Variants in APOB observed in about 807,000 individuals in gnomAD.
The protein encoded by APOB is apolipoprotein B-100.
APOB carries 153 observed loss-of-function variants against 314.1 expected under a neutral mutation model. The observed-to-expected ratio is 0.49, with a 90% CI of 0.43 to 0.56. APOB has a LOEUF of 0.56. APOB is among the 20% of genes least tolerant of loss of function. APOB has a pLI of 0.00. For missense variants in APOB, 5,430 were observed against 5,350.7 expected (o/e 1.01, Z -0.46); for synonymous variants, 2,087 against 2,036.4 (o/e 1.02, Z -0.67).
rs1439059552 is a variant in APOB at position 21,016,513 on chromosome 2, G to A, written c.3258C>T (p.Gly1086=). Residue 1086 remains glycine (G), a synonymous_variant, in exon 21 of 29, where the codon GGC becomes GGT. Transcript: ENST00000233242. The part of the protein sequence containing the change: ...ILRVNDESTE[G]KTSYRLTLDI... ...CCAGGGTGAGTCTGTAAGACGTTTT[G>A]CCCTCAGTAGATTCATCATTAACTC... 10 of 1,609,006 alleles carry A rather than the reference G, an allele frequency of 6.2e-6. No individual in the cohort carries two copies. The highest frequency in any genetic ancestry group is 2.7e-5 in the African/African-American group (2 of 74,834).
rs1444176696 is a variant in APOB, at chr2:21,002,566, C to T, written c.12856G>A (p.Ala4286Thr). ...LSKEAQEVFKAIQSLKTTEVL... is the reference protein window; with the variant it reads ...LSKEAQEVFKTIQSLKTTEVL... Reference sequence around the variant, plus strand: ...TCTGTGGTCTTGAGAGACTGAATGGCTTTAAATACCTCTTGGGCTTCTTTT... The same window carrying T: ...TCTGTGGTCTTGAGAGACTGAATGGTTTTAAATACCTCTTGGGCTTCTTTT... The change falls in exon 29 of 29, where the codon GCC becomes ACC. Residue 4286 changes from alanine to threonine, a missense_variant. Transcript: ENST00000233242. 1.2e-6 allele frequency: 2 copies of T among 1,614,036 alleles called. No homozygotes were observed. The highest frequency in any genetic ancestry group is 8.5e-7 in the Non-Finnish European group (1 of 1,179,952).
chr2:21,028,612 T>A (rs1048155874), intron 12 of APOB, 74 bp from the exon 13 acceptor site: 1 of 1,006,368 alleles, frequency 9.9e-7, no homozygotes, highest in African/African-American at 1.6e-5. Context: ...AACACTGGCA[T>A]TGTCTGCTAG....
chr2:21,026,153 A>G (rs1217969322), intron 15 of APOB, among the ~76,000 whole-genome samples: 1 of 152,210 alleles, frequency 6.6e-6, no homozygotes, highest in Non-Finnish European at 1.5e-5. Context: ...AGTCTGGGAT[A>G]CAGACAGAAA....
chr2:21,040,663 T>C (rs1181405108), intron 4 of APOB, among the ~76,000 whole-genome samples: 1 of 152,222 alleles, frequency 6.6e-6, no homozygotes, highest in East Asian at 1.9e-4. Context: ...AAGAATTCAC[T>C]TGTTTAAACA....
At chr2:21,014,339 T>A (rs1663411252) in intron 24 of APOB, 109 bp downstream of exon 24, 4 of 1,353,178 alleles carry the variant, frequency 3.0e-6, no homozygotes, top group Non-Finnish European at 4.1e-6. Flanking sequence ...CTCCTTAAAA[T>A]GCTTAAATTA....
At position 21,009,870 on chromosome 2, in the gene APOB, T is replaced by C; in HGVS notation, c.6998A>G (p.Lys2333Arg). 6.2e-7 allele frequency: 1 copy of C among 1,614,056 alleles called. No homozygotes were observed. The highest frequency in any genetic ancestry group is 1.7e-5 in the Admixed American group (1 of 60,022). Residue 2333 changes from lysine to arginine, a missense_variant, in exon 26 of 29, where the codon AAA (lysine) becomes AGA (arginine). Lys to Arg is a conservative substitution (Grantham distance 26). This residue lies in a region of APOB where 3,281 missense variants were observed against 3,171.0 expected (regional missense o/e 1.03). Transcript: ENST00000233242. Reference sequence around the variant, plus strand: ...GACTTTGGCTCTGAAGGCATTGATTTTCTCAGCTACTTCAAAATCCCCAAT... The same window carrying C: ...GACTTTGGCTCTGAAGGCATTGATTCTCTCAGCTACTTCAAAATCCCCAAT... ...NLIGDFEVAE[K>R]INAFRAKVHE...
At chr2:21,027,805 A>C (rs927758306) in intron 14 of APOB, 23 bp downstream of exon 14, 3 of 1,569,398 alleles carry the variant, frequency 1.9e-6, no homozygotes, top group Non-Finnish European at 2.6e-6. Flanking sequence ...TGGGCTAGAG[A>C]ACCTCAAACT....
At position 21,035,586 on chromosome 2, in the gene APOB, G is replaced by A. The variant is rs779516045; in HGVS notation, c.816C>T (p.Tyr272=). The change falls in exon 7 of 29, where the codon TAC becomes TAT. Residue 272 remains tyrosine (Y), a splice_region_variant and synonymous_variant. Coordinates refer to ENST00000233242, the MANE Select transcript of APOB (RefSeq NM_000384.3). ...CAGGGGTGCATCACATGACCTACTT[G>A]TAGGAGAAAGGCAGGAAGAGGTGTT... The part of the protein sequence containing the change: ...KEQHLFLPFS[Y]KNKYGMVAQV... The A allele has an allele frequency of 6.2e-7, 1 of 1,613,956 alleles. No homozygotes were observed. The highest frequency in any genetic ancestry group is 1.3e-5 in the African/African-American group (1 of 74,918).
At position 21,015,388 on chromosome 2, in the gene APOB, T is replaced by G. The variant is rs149660265; in HGVS notation, c.3490A>C (p.Arg1164=). Residue 1164 remains arginine, a synonymous_variant, in exon 22 of 29, where the codon AGG becomes CGG. Coordinates refer to ENST00000233242, the MANE Select transcript of APOB (RefSeq NM_000384.3). ...ATAYGSTVSK[R]VAWHYDEEKI... is the part of the protein sequence containing the mutation. ...CACATACCATAATGCCATGCCACCCTCTTGGAAACTGTGGAGCCATAAGCT... is the reference window on the plus strand; with the variant it reads ...CACATACCATAATGCCATGCCACCCGCTTGGAAACTGTGGAGCCATAAGCT... 6.2e-7 allele frequency: 1 copy of G among 1,614,194 alleles called. No homozygotes were observed. The highest frequency in any genetic ancestry group is 1.1e-5 in the South Asian group (1 of 91,080).
chr2:21,034,566 T>C (rs1663955207), intron 8 of APOB, among the ~76,000 whole-genome samples: 1 of 152,208 alleles, frequency 6.6e-6, no homozygotes, highest in African/African-American at 2.4e-5. Context: ...ATCAAATATG[T>C]CATGTTAAAC....
chr2:21,006,414 C>A lies in APOB; in HGVS notation c.10454G>T (p.Ser3485Ile). Reference sequence around the variant, plus strand: ...CTCAATGGAAAAGTAAGAGGTGAGGCTTTCCAAGCTAAGCTTGTGGTCAAC... The same window carrying A: ...CTCAATGGAAAAGTAAGAGGTGAGGATTTCCAAGCTAAGCTTGTGGTCAAC... ...GAVDHKLSLE[S>I]LTSYFSIESS... The change falls in exon 26 of 29, where the codon AGC becomes ATC. Residue 3485 changes from serine (S) to isoleucine (I), a missense_variant. Physicochemically the swap from Ser to Ile is moderately radical, Grantham distance 142 (BLOSUM62 -2). Around this residue, in one of 3 missense-constraint regions of APOB, gnomAD observed 3,281 missense variants for 3,171.0 expected, o/e 1.03. Coordinates refer to ENST00000233242, the MANE Select transcript of APOB (RefSeq NM_000384.3). 1 of 1,614,048 alleles carries A rather than the reference C, an allele frequency of 6.2e-7. No homozygotes were observed. Among genetic ancestry groups the A allele is most frequent in the African/African-American group, 1.3e-5 (1 of 75,032 alleles).
At position 21,006,573 on chromosome 2, in the gene APOB, T is replaced by C. The variant is rs759043889; in HGVS notation, c.10295A>G (p.Gln3432Arg). The C allele has an allele frequency of 3.3e-5, 53 of 1,613,996 alleles. No homozygotes were observed. In the Middle Eastern group the frequency reaches 4.9e-4, roughly 15 times the overall value. The change falls in exon 26 of 29, where the codon CAA (glutamine) becomes CGA (arginine). Residue 3432 changes from glutamine to arginine, a missense_variant. Coordinates refer to ENST00000233242, the MANE Select transcript of APOB (RefSeq NM_000384.3). ...GAAATTCATTCTCAAAATTGGAATT[T>C]GGGCTTTTGTGGTTGTTGCCACTGA... ...EVSVATTTKAQIPILRMNFKQ... is the reference protein window; with the variant it reads ...EVSVATTTKARIPILRMNFKQ...
chr2:21,032,210 AC>A, intron 10 of APOB, 143 bp downstream of exon 10: 1 of 707,046 alleles, frequency 1.4e-6, no homozygotes, highest in African/African-American at 1.8e-5. Flanking sequence ...TCAAGTCATT[AC>A]CCCAAAAATG....
At chr2:21,022,748 CT>C in intron 18 of APOB, 82 bp downstream of exon 18, 1 of 1,306,200 alleles carries the variant, frequency 7.7e-7, no homozygotes. Flanking sequence ...TCTCAATCAA[CT>C]GTTTAGCCTG....
Position 21,009,899 on chromosome 2 carries a change from A to G in APOB, c.6969T>C (p.Asn2323=). 6.2e-7 allele frequency: 1 copy of G among 1,614,002 alleles called. No individual in the cohort carries two copies. The highest frequency in any genetic ancestry group is 2.2e-5 in the East Asian group (1 of 44,852). ...ILEHVKHFVI[N]LIGDFEVAEK... ...CAGCTACTTCAAAATCCCCAATAAGATTTATAACAAAGTGTTTGACATGCT... is the reference window on the plus strand; with the variant it reads ...CAGCTACTTCAAAATCCCCAATAAGGTTTATAACAAAGTGTTTGACATGCT... The change falls in exon 26 of 29, where the codon AAT becomes AAC. Residue 2323 remains asparagine, a synonymous_variant. Coordinates refer to ENST00000233242, the MANE Select transcript of APOB (RefSeq NM_000384.3).
intron 5 of APOB, 68 bp from the exon 6 acceptor site, chr2:21,037,323 T>G: frequency 6.9e-7 from 1 of 1,440,204 alleles, no homozygotes; most frequent in Non-Finnish European, 9.7e-7. Context: ...TTGGGAGGGA[T>G]GGGGTGGGGA....
At position 21,013,235 on chromosome 2, in the gene APOB, C is replaced by A. The variant is rs868190727; in HGVS notation, c.4141G>T (p.Asp1381Tyr). The change falls in exon 25 of 29, where the codon GAC becomes TAC. Residue 1381 changes from aspartate (D) to tyrosine (Y), a missense_variant. By Grantham distance (160) the Asp-to-Tyr change is radical. Transcript: ENST00000233242. ...ASYSGGNTSTDHFSLRARYHM... is the reference protein window; with the variant it reads ...ASYSGGNTSTYHFSLRARYHM... The stretch of plus-strand genomic sequence containing the variant: ...TAACGAGCCCGAAGGCTGAAATGGT[C>A]TGTGCTGGTGTTGCCACCACTGTAG... The A allele has an allele frequency of 6.2e-6, 10 of 1,614,200 alleles. No individual in the cohort carries two copies. The South Asian group carries it at 9.9e-5, about 16-fold the overall frequency.
chr2:21,005,300 G>A lies in APOB; in HGVS notation c.11568C>T (p.Ile3856=), dbSNP rs542175556. The A allele has an allele frequency of 2.1e-4, 341 of 1,614,042 alleles. 3 individuals carry two copies. The South Asian group carries it at 3.5e-3, about 17-fold the overall frequency. Residue 3856 remains isoleucine (I), a synonymous_variant, in exon 26 of 29, where the codon ATC becomes ATT. Coordinates refer to ENST00000233242, the MANE Select transcript of APOB (RefSeq NM_000384.3). ...GAATCTCAATGGTCTGCTCAGGCAC[G>A]ATGATGGTGGGCAACTCAAAGTCTG... ...KIADFELPTI[I]VPEQTIEIPS...
Position 21,007,570 on chromosome 2 carries a change from G to T in APOB, c.9298C>A (p.Gln3100Lys), listed in dbSNP as rs147670126. ...SARFNQYKYN[Q>K]NFSAGNNENI... ...TCGTTGTTTCCAGCAGAGAAATTTT[G>T]GTTGTACTTATACTGATTGAACCTA... Residue 3100 changes from glutamine (Q) to lysine (K), a missense_variant, in exon 26 of 29, where the codon CAA becomes AAA. Physicochemically the swap from Gln to Lys is moderately conservative, Grantham distance 53. Around this residue, in one of 3 missense-constraint regions of APOB, gnomAD observed 3,281 missense variants for 3,171.0 expected, o/e 1.03. Transcript: ENST00000233242. 1.2e-6 allele frequency: 2 copies of T among 1,614,008 alleles called. No homozygotes were observed. The highest frequency in any genetic ancestry group is 1.7e-6 in the Non-Finnish European group (2 of 1,179,946).
Sources: allele counts gnomAD v4.1 joint callset (sites outside exome capture counted in the v4.1 genomes callset), GRCh38; gene constraint gnomAD v4.1.1; regional missense constraint gnomAD v4.1.1; transcripts MANE v1.5; gene names NCBI Gene and HGNC (gene_info 2026-07-23, HGNC 2026-07-21).